The following CPEB3 variants were observed in gnomAD, a reference collection of about 807,000 sequenced individuals.
The protein encoded by CPEB3 is cytoplasmic polyadenylation element-binding protein 3.
In CPEB3, 20 loss-of-function variants were observed where a neutral mutation model predicts 67.2. The ratio of observed to expected loss-of-function variants is 0.30; its 90% CI spans 0.21 to 0.43. CPEB3 has a LOEUF of 0.43. Among genes scored for constraint, CPEB3 ranks in the 20% least tolerant of loss-of-function variants. CPEB3 has a pLI of 1.00. For missense variants in CPEB3, 746 were observed against 968.6 expected (o/e 0.77, Z 3.05); for synonymous variants, 376 against 393.1 (o/e 0.96, Z 0.51).
chr10:92,239,147 C>T lies in CPEB3; in HGVS notation c.1005+199G>A, dbSNP rs80178569. ...TACCCTGAAGGGACGAATACGATTCCTCCAGTAATCACAATGTTCTCCCAA... is the reference window on the plus strand; with the variant it reads ...TACCCTGAAGGGACGAATACGATTCTTCCAGTAATCACAATGTTCTCCCAA... On this transcript the variant is annotated intron_variant, in intron 2 of 9. Transcript: ENST00000265997. The surrounding 1 kb of genome is among the most constrained non-coding windows in gnomAD (Gnocchi z 6.0). Among the ~76,000 whole-genome samples the T allele has an allele frequency of 2.2e-3, 340 of 152,286 alleles. 13 individuals are homozygous for T. In the East Asian group the frequency reaches 0.058, roughly 26 times the overall value.
intron 3 of CPEB3, among the ~76,000 whole-genome samples, chr10:92,185,313 A>G (rs182358876): frequency 6.6e-6 from 1 of 152,306 alleles, no homozygotes; most frequent in East Asian, 1.9e-4. Flanking sequence ...ATGCTGTGGA[A>G]ATCTGAGACT....
chr10:92,246,202 C>T (rs1852055764), intron 1 of CPEB3, among the ~76,000 whole-genome samples: 1 of 145,280 alleles, frequency 6.9e-6, no homozygotes, highest in African/African-American at 2.9e-5. Flanking sequence ...GGCATGGTGG[C>T]AGGCGCCTGT....
chr10:92,065,994 G>A (rs905069789), intron 9 of CPEB3, among the ~76,000 whole-genome samples: 3 of 152,172 alleles, frequency 2.0e-5, no homozygotes, highest in African/African-American at 4.8e-5. Context: ...CTACTCGGGA[G>A]GCTGAGGTGT....
rs1233643632 is a variant in CPEB3 at position 92,240,253 on chromosome 10, G to A, written c.98C>T (p.Ser33Phe). 1.3e-6 allele frequency: 2 copies of A among 1,515,108 alleles called. No individual in the cohort carries two copies. Among genetic ancestry groups the A allele is most frequent in the East Asian group, 4.9e-5 (2 of 40,582 alleles). The allele number at this position is 1,515,108 out of a possible 1,614,324, so 93.9% of individuals were successfully genotyped here. A position where few individuals can be genotyped will look rare whatever the true frequency, so the allele number is the denominator to read the frequency against. ...GGAGAGGGGCGTGGACGGGGCTTCGGATACGCTGGACTCAGGTTGGGGCTG... is the reference window on the plus strand; with the variant it reads ...GGAGAGGGGCGTGGACGGGGCTTCGAATACGCTGGACTCAGGTTGGGGCTG... ...QQQPQPESSV[S>F]EAPSTPLSSE... Residue 33 changes from serine to phenylalanine, a missense_variant, in exon 2 of 10, where the codon TCC becomes TTC. This residue lies in a region of CPEB3 where 643 missense variants were observed against 717.5 expected (regional missense o/e 0.90). Coordinates refer to ENST00000265997, the MANE Select transcript of CPEB3 (RefSeq NM_014912.5).
chr10:92,161,563 G>A (rs140162352), intron 4 of CPEB3, among the ~76,000 whole-genome samples: 4 of 152,156 alleles, frequency 2.6e-5, no homozygotes, highest in East Asian at 1.9e-4. Context: ...ATGAGCCACC[G>A]CGCCCAGTGG....
chr10:92,199,209 T>C (rs536677200), intron 2 of CPEB3, among the ~76,000 whole-genome samples: 3 of 150,184 alleles, frequency 2.0e-5, no homozygotes, highest in African/African-American at 7.4e-5. Context: ...CTGACCAACA[T>C]GGAGAAACCT....
chr10:92,253,467 A>C (rs1852388002), intron 1 of CPEB3, among the ~76,000 whole-genome samples: 1 of 147,770 alleles, frequency 6.8e-6, no homozygotes, highest in Non-Finnish European at 1.5e-5. Flanking sequence ...TCAAAACAAA[A>C]AAAAAAAAAA....
Position 92,192,547 on chromosome 10 carries a change from T to C in CPEB3, c.1095A>G (p.Lys365=), listed in dbSNP as rs1221984305. 6.2e-7 allele frequency: 1 copy of C among 1,613,952 alleles called. No homozygotes were observed. Among genetic ancestry groups the C allele is most frequent in the Admixed American group, 1.7e-5 (1 of 60,018 alleles). ...DMIRTDHEPL[K]GKHYPPSGPP... is the part of the protein sequence containing the mutation. ...GGCCACTGGGAGGGTAGTGTTTACCTTTCAGAGGTTCATGATCAGTCCTTA... is the reference window on the plus strand; with the variant it reads ...GGCCACTGGGAGGGTAGTGTTTACCCTTCAGAGGTTCATGATCAGTCCTTA... The change falls in exon 3 of 10, where the codon AAA becomes AAG. Residue 365 remains lysine, a synonymous_variant. Coordinates refer to ENST00000265997, the MANE Select transcript of CPEB3 (RefSeq NM_014912.5).
intron 6 of CPEB3, among the ~76,000 whole-genome samples, chr10:92,128,615 T>G (rs1046297913): frequency 5.3e-5 from 8 of 152,184 alleles, no homozygotes; most frequent in Admixed American, 2.0e-4. Context: ...AAAGGTCTAA[T>G]ATCCAGCATC....
chr10:92,201,294 G>A (rs146842483), intron 2 of CPEB3, among the ~76,000 whole-genome samples: 2,863 of 152,206 alleles, frequency 0.019, 78 homozygotes, highest in African/African-American at 0.064. Flanking sequence ...TTGGGAGGCC[G>A]AGGCGGGCGG....
intron 2 of CPEB3, among the ~76,000 whole-genome samples, chr10:92,193,330 C>T (rs187813607): frequency 2.5e-4 from 38 of 152,240 alleles, no homozygotes; most frequent in South Asian, 6.2e-4. Flanking sequence ...GTGACTTTCT[C>T]GCAAAGGAAC....
rs1185030211 is a variant in CPEB3 at position 92,256,393 on chromosome 10, CTTTTTTT to C, written c.-11-16039_-11-16033del. On this transcript the variant is annotated intron_variant, in intron 1 of 9. Coordinates refer to ENST00000265997, the MANE Select transcript of CPEB3 (RefSeq NM_014912.5). The stretch of plus-strand genomic sequence containing the variant: ...TGAGGATAAAATACAAACCTTTTTT[CTTTTTTT>C]TTTTTTTTGAAACAGAGTCTCACTC... 4.9e-5 allele frequency among the ~76,000 whole-genome samples: 7 copies of C among 141,984 alleles called. No homozygotes were observed. In the South Asian group the frequency reaches 6.7e-4, roughly 14 times the overall value. The allele number at this position is 141,984 out of a possible 152,430, so 93.1% of individuals were successfully genotyped here. A position where few individuals can be genotyped will look rare whatever the true frequency, so the allele number is the denominator to read the frequency against.
chr10:92,164,504 T>G (rs756967068), intron 4 of CPEB3, among the ~76,000 whole-genome samples: 3 of 152,234 alleles, frequency 2.0e-5, no homozygotes, highest in Non-Finnish European at 4.4e-5. Context: ...TTAATCTCCC[T>G]TCTCGCCATA....
intron 4 of CPEB3, among the ~76,000 whole-genome samples, chr10:92,171,332 C>T (rs568538942): frequency 1.3e-5 from 2 of 152,180 alleles, no homozygotes; most frequent in East Asian, 3.9e-4. Context: ...AAGAACACTA[C>T]GATATGCACA....
intron 1 of CPEB3, among the ~76,000 whole-genome samples, chr10:92,263,216 C>G (rs1298612106): frequency 1.3e-5 from 2 of 152,202 alleles, no homozygotes; most frequent in Non-Finnish European, 1.5e-5. Context: ...GCTGGGATTA[C>G]AGGCATGCAC....
intron 4 of CPEB3, among the ~76,000 whole-genome samples, chr10:92,168,284 T>A (rs895160761): frequency 6.6e-6 from 1 of 152,226 alleles, no homozygotes; most frequent in Non-Finnish European, 1.5e-5. Flanking sequence ...CAGAGAAACC[T>A]ACAGGTATCT....
chr10:92,081,062 C>CT (rs1366686527), intron 9 of CPEB3, among the ~76,000 whole-genome samples: 1 of 152,192 alleles, frequency 6.6e-6, no homozygotes. Flanking sequence ...CTGAACAGCA[C>CT]TAGTTTGGTA....
At chr10:92,128,205 G>A (rs1590199355) in intron 6 of CPEB3, among the ~76,000 whole-genome samples, 2 of 152,242 alleles carry the variant, frequency 1.3e-5, no homozygotes, top group Admixed American at 6.5e-5. Flanking sequence ...ACCAAGAGAA[G>A]CATTACTTCT....
intron 1 of CPEB3, among the ~76,000 whole-genome samples, chr10:92,274,808 GA>G (rs1005682197): frequency 3.9e-5 from 6 of 152,134 alleles, no homozygotes; most frequent in African/African-American, 1.4e-4. Flanking sequence ...CTGGGCAACA[GA>G]GGGAGACTCT....
Sources: gnomAD v4.1 joint callset for allele counts (sites outside exome capture counted in the v4.1 genomes callset) on GRCh38, gnomAD v4.1.1 for gene constraint, gnomAD v4.1.1 regional missense constraint, Gnocchi (gnomAD v3.1) non-coding constraint, MANE v1.5 for transcripts, NCBI Gene and HGNC (gene_info 2026-07-23, HGNC 2026-07-21) for gene names.